Variants in EED observed in about 807,000 individuals in gnomAD.
EED encodes embryonic ectoderm development.
EED carries 9 observed loss-of-function variants against 61.0 expected under a neutral mutation model. The observed-to-expected ratio is 0.15, with a 90% CI of 0.09 to 0.26. EED has a LOEUF of 0.26. EED is among the 10% of genes least tolerant of loss of function. The pLI is 1.00. For missense variants in EED, 315 were observed against 542.3 expected (o/e 0.58, Z 4.16); for synonymous variants, 187 against 174.4 (o/e 1.07, Z -0.57).
At chr11:86,250,870 G>T (rs942322615) in intron 2 of EED, among the ~76,000 whole-genome samples, 1 of 151,752 alleles carries the variant, frequency 6.6e-6, no homozygotes, top group Non-Finnish European at 1.5e-5. Context: ...TACAGTTTCT[G>T]TCCTTTGTTT....
chr11:86,254,631 AT>A (rs960916812), intron 3 of EED, among the ~76,000 whole-genome samples: 1 of 124,296 alleles, frequency 8.0e-6, no homozygotes. Flanking sequence ...ATTTTATTTT[AT>A]TTTTTTTTGA....
chr11:86,257,478 G>A, intron 5 of EED, 37 bp from the exon 6 acceptor site: 1 of 1,507,304 alleles, frequency 6.6e-7, no homozygotes, highest in South Asian at 1.2e-5. Context: ...TACTGATTTT[G>A]AGATAGGAAA....
At chr11:86,253,321 A>G (rs1305622052) in intron 3 of EED, among the ~76,000 whole-genome samples, 4 of 152,204 alleles carry the variant, frequency 2.6e-5, no homozygotes, top group African/African-American at 9.6e-5. Context: ...TTTTTTTCCT[A>G]GTTGGGAATG....
At chr11:86,264,045 T>C (rs1400670505) in intron 6 of EED, 127 bp from the exon 7 acceptor site, 10 of 667,210 alleles carry the variant, frequency 1.5e-5, no homozygotes, top group East Asian at 2.7e-5. Flanking sequence ...CTATGTAATA[T>C]GGATTCCATT....
At chr11:86,268,630 T>C in intron 9 of EED, 69 bp downstream of exon 9, 1 of 1,056,008 alleles carries the variant, frequency 9.5e-7, no homozygotes, top group Non-Finnish European at 1.3e-6. Flanking sequence ...TGTGTGTATG[T>C]GTGTGCGCAT....
chr11:86,266,858 T>G (rs1181028599), intron 8 of EED, among the ~76,000 whole-genome samples: 1 of 152,200 alleles, frequency 6.6e-6, no homozygotes, highest in Non-Finnish European at 1.5e-5. Context: ...ACGTTGTATG[T>G]CTGCATGTTA....
chr11:86,256,434 G>A lies in EED; in HGVS notation c.474G>A (p.Thr158=), dbSNP rs768551883. The A allele has an allele frequency of 1.1e-5, 18 of 1,612,010 alleles. No individual in the cohort carries two copies. The highest frequency in any genetic ancestry group is 1.5e-5 in the Non-Finnish European group (18 of 1,178,556). ...YTCAWTYDSN[T]SHPLLAVAGS... Reference sequence around the variant, plus strand: ...GTGCATGGACCTATGATAGCAATACGAGCCATCCTCTGCTGGCTGTAGCTG... The same window carrying A: ...GTGCATGGACCTATGATAGCAATACAAGCCATCCTCTGCTGGCTGTAGCTG... The change falls in exon 5 of 12, where the codon ACG becomes ACA. Residue 158 remains threonine (T), a synonymous_variant. Transcript: ENST00000263360.
chr11:86,274,873 G>A (rs895735669), intron 9 of EED, among the ~76,000 whole-genome samples: 1 of 152,234 alleles, frequency 6.6e-6, no homozygotes, highest in African/African-American at 2.4e-5. Context: ...GGGGTGCTTA[G>A]TTACAACCTG....
intron 1 of EED, 28 bp downstream of exon 1, chr11:86,245,371 A>C: frequency 6.5e-7 from 1 of 1,534,520 alleles, no homozygotes; most frequent in Non-Finnish European, 8.9e-7. Context: ...CAGTTACGAG[A>C]CTGCGGAGTG....
At chr11:86,250,510 C>T (rs1337140375) in intron 2 of EED, 62 bp downstream of exon 2, 1 of 1,430,940 alleles carries the variant, frequency 7.0e-7, no homozygotes, top group Non-Finnish European at 9.2e-7. Flanking sequence ...TTCTCTGTGG[C>T]ACGCATTTCG....
chr11:86,262,559 T>G (rs911375154), intron 6 of EED, among the ~76,000 whole-genome samples: 1 of 152,150 alleles, frequency 6.6e-6, no homozygotes, highest in African/African-American at 2.4e-5. Flanking sequence ...CCTTCCCTTT[T>G]GCTGTGAGAC....
At chr11:86,270,026 G>C in intron 9 of EED, 1 of 658,672 alleles carries the variant, frequency 1.5e-6, no homozygotes, top group South Asian at 1.6e-5. Flanking sequence ...GAGGGCAATT[G>C]CTGGGTTGTG....
chr11:86,262,096 G>A (rs1945845233), intron 6 of EED, among the ~76,000 whole-genome samples: 1 of 151,986 alleles, frequency 6.6e-6, no homozygotes. Flanking sequence ...TGCCCAGGCT[G>A]GTCTTGAACT....
chr11:86,267,603 T>C (rs1174031806), intron 8 of EED, among the ~76,000 whole-genome samples: 1 of 152,114 alleles, frequency 6.6e-6, no homozygotes, highest in East Asian at 1.9e-4. Flanking sequence ...TTTATTTTGT[T>C]CTATTTGTTT....
chr11:86,268,467 C>A lies in EED; in HGVS notation c.872C>A (p.Ser291Tyr). 1 of 1,589,600 alleles carries A rather than the reference C, an allele frequency of 6.3e-7. No individual in the cohort carries two copies. The highest frequency in any genetic ancestry group is 1.1e-5 in the South Asian group (1 of 87,724). ...NPNKTNRPFISQKIHFPDFST... is the reference protein window; with the variant it reads ...NPNKTNRPFIYQKIHFPDFST... ...CATTCTTCCTTCAGGCCATTTATTT[C>A]TCAGAAAATCCATTTTCCTGATTTT... The change falls in exon 9 of 12, where the codon TCT (serine) becomes TAT (tyrosine). Residue 291 changes from serine to tyrosine, a missense_variant. Ser to Tyr is a moderately radical substitution (Grantham distance 144). This residue lies in a region of EED where 205 missense variants were observed against 455.4 expected (regional missense o/e 0.45). Transcript: ENST00000263360.
intron 2 of EED, among the ~76,000 whole-genome samples, chr11:86,251,768 C>T (rs1046220194): frequency 2.6e-5 from 4 of 152,156 alleles, no homozygotes; most frequent in African/African-American, 7.2e-5. Context: ...CTATTAAGGC[C>T]ATCTGTTAAT....
intron 10 of EED, 174 bp from the exon 11 acceptor site, chr11:86,277,744 A>C: frequency 2.3e-6 from 1 of 436,056 alleles, no homozygotes; most frequent in Non-Finnish European, 3.8e-6. Flanking sequence ...TGATGTATTA[A>C]TTGCTCTTAT....
At chr11:86,282,705 A>T (rs1946337373), downstream of EED, among the ~76,000 whole-genome samples, 1 of 152,180 alleles carries the variant, frequency 6.6e-6, no homozygotes, top group Non-Finnish European at 1.5e-5. Context: ...TTTTTTCTGT[A>T]AAGAGCTAGA....
At chr11:86,262,899 A>G (rs1430981498) in intron 6 of EED, among the ~76,000 whole-genome samples, 2 of 149,744 alleles carry the variant, frequency 1.3e-5, no homozygotes, top group African/African-American at 4.9e-5. Context: ...GCAGCCCAAA[A>G]CTCCTAGGCT....
Sources: allele counts gnomAD v4.1 joint callset (sites outside exome capture counted in the v4.1 genomes callset), GRCh38; gene constraint gnomAD v4.1.1; regional missense constraint gnomAD v4.1.1; transcripts MANE v1.5; gene names NCBI Gene and HGNC (gene_info 2026-07-23, HGNC 2026-07-21).